DNAH12: variants seen among roughly 807,000 people sequenced by gnomAD.
DNAH12 encodes dynein axonemal heavy chain 12.
DNAH12 carries 285 observed loss-of-function variants against 371.5 expected under a neutral mutation model. That is an observed-to-expected ratio of 0.77 (90% CI 0.70 to 0.85). The LOEUF (loss-of-function observed/expected upper bound fraction) is 0.85. Among genes scored for constraint, DNAH12 ranks in the 40% least tolerant of loss-of-function variants. The pLI is 0.00. For synonymous variants in DNAH12, 1,200 were observed against 1,213.0 expected (o/e 0.99, Z 0.22); for missense variants, 3,611 against 3,689.4 (o/e 0.98, Z 0.55).
intron 62 of DNAH12, among the ~76,000 whole-genome samples, chr3:57,325,421 C>G (rs1043282934): frequency 2.0e-5 from 3 of 152,224 alleles, no homozygotes; most frequent in Non-Finnish European, 2.9e-5. Context: ...TCACGAAAAA[C>G]CACTGTTCTG....
intron 58 of DNAH12, among the ~76,000 whole-genome samples, chr3:57,359,585 G>T (rs1169375903): frequency 1.3e-4 from 18 of 139,170 alleles, no homozygotes; most frequent in African/African-American, 4.6e-4. Flanking sequence ...AAAAAAGAAA[G>T]AAAGAAAGAA....
At chr3:57,441,697 T>G (rs1184237718) in intron 29 of DNAH12, among the ~76,000 whole-genome samples, 2 of 151,864 alleles carry the variant, frequency 1.3e-5, no homozygotes, top group African/African-American at 4.8e-5. Context: ...GAGGCTGAGA[T>G]GGGAGGATTG....
chr3:57,380,855 T>C (rs2063375367), intron 50 of DNAH12, among the ~76,000 whole-genome samples: 1 of 146,122 alleles, frequency 6.8e-6, no homozygotes, highest in Admixed American at 6.8e-5. Context: ...TTTTTAAATA[T>C]GGAAATGCAT....
rs1011749634 is a variant in DNAH12 at position 57,318,654 on chromosome 3, T to C, written c.10524+3689A>G. ...GCTCATTAGAGCATTTCAGGTTTTG[T>C]ATTTTTGTATTTGGAATGTTAACTG... On this transcript the variant is annotated intron_variant, in intron 65 of 73. Coordinates refer to ENST00000495027, the MANE Select transcript of DNAH12 (RefSeq NM_001366028.2). Among the ~76,000 whole-genome samples the C allele has an allele frequency of 6.0e-4, 92 of 152,084 alleles. 1 individual carries two copies. The highest frequency in any genetic ancestry group is 2.2e-3 in the African/African-American group (92 of 41,520).
At chr3:57,349,985 C>T (rs6802608) in intron 60 of DNAH12, among the ~76,000 whole-genome samples, 14,466 of 152,234 alleles carry the variant, frequency 0.095, 2,253 homozygotes, top group African/African-American at 0.33. Context: ...CCACCACACC[C>T]GGACTGGAGA....
In DNAH12 at chr3:57,466,465, G is replaced by C. The variant is rs1310253721; in HGVS notation, c.2349+2271C>G. On this transcript the variant is annotated intron_variant, in intron 17 of 73. Coordinates refer to ENST00000495027, the MANE Select transcript of DNAH12 (RefSeq NM_001366028.2). ...GGAATCTCTGAGATGAATAGACATAGACAGGAACAATGCTTGAATCCAATC... is the reference window on the plus strand; with the variant it reads ...GGAATCTCTGAGATGAATAGACATACACAGGAACAATGCTTGAATCCAATC... 2.6e-5 allele frequency among the ~76,000 whole-genome samples: 4 copies of C among 152,178 alleles called. No individual in the cohort carries two copies. The East Asian group carries it at 7.7e-4, about 29-fold the overall frequency.
chr3:57,547,458 G>A (rs540288552), upstream of DNAH12, among the ~76,000 whole-genome samples: 5 of 152,086 alleles, frequency 3.3e-5, no homozygotes, highest in African/African-American at 1.2e-4. Flanking sequence ...ACGCCTGGCC[G>A]ATGTACATCC....
At chr3:57,499,647 A>AAAAAAAAAAAAAATATATATATAT (rs1451248906) in intron 11 of DNAH12, among the ~76,000 whole-genome samples, 1 of 17,958 alleles carries the variant, frequency 5.6e-5, no homozygotes, top group Non-Finnish European at 1.2e-4. Flanking sequence ...AAAAAAAAAA[A>AAAAAAAAAAAAAATATATATATAT]ATATATATAT....
intron 19 of DNAH12, 131 bp downstream of exon 19, chr3:57,461,358 G>C: frequency 1.4e-6 from 1 of 705,250 alleles, no homozygotes; most frequent in Non-Finnish European, 2.2e-6. Flanking sequence ...AAATATCAAA[G>C]TTATAGGTCT....
chr3:57,496,802 C>G (rs1165845833), intron 11 of DNAH12, among the ~76,000 whole-genome samples: 1 of 151,824 alleles, frequency 6.6e-6, no homozygotes, highest in Non-Finnish European at 1.5e-5. Flanking sequence ...AACCCTGTCT[C>G]TACTAAAAAT....
chr3:57,539,772 C>T (rs1470954568), intron 2 of DNAH12, among the ~76,000 whole-genome samples: 1 of 151,862 alleles, frequency 6.6e-6, no homozygotes, highest in Non-Finnish European at 1.5e-5. Context: ...TGCCACCATA[C>T]CCGGCTAATT....
chr3:57,303,032 T>G (rs1239209575), intron 69 of DNAH12, among the ~76,000 whole-genome samples: 1 of 151,948 alleles, frequency 6.6e-6, no homozygotes, highest in Non-Finnish European at 1.5e-5. Flanking sequence ...TCATCATCAT[T>G]TTTACATTTT....
At chr3:57,514,702 C>T (rs962478669) in intron 4 of DNAH12, among the ~76,000 whole-genome samples, 7 of 151,992 alleles carry the variant, frequency 4.6e-5, no homozygotes, top group African/African-American at 1.7e-4. Flanking sequence ...AAAATATCAT[C>T]ATGAATGAGG....
rs1056307805 is a variant in DNAH12 at position 57,501,872 on chromosome 3, C to T, written c.1243+451G>A. Among the ~76,000 whole-genome samples the T allele has an allele frequency of 2.0e-5, 3 of 152,042 alleles. No individual in the cohort carries two copies. The South Asian group carries it at 6.2e-4, about 32-fold the overall frequency. ...ATCACCCTGCTCCAGTTCATATGCA[C>T]CCTTTGGACTGGACAACAAAATGTA... On this transcript the variant is annotated intron_variant, in intron 10 of 73. Coordinates refer to ENST00000495027, the MANE Select transcript of DNAH12 (RefSeq NM_001366028.2).
intron 11 of DNAH12, 98 bp downstream of exon 11, chr3:57,501,223 T>C: frequency 1.2e-6 from 1 of 855,094 alleles, no homozygotes; most frequent in Non-Finnish European, 1.8e-6. Flanking sequence ...ATATTTTAAA[T>C]AAGAAATTCT....
At chr3:57,447,092 T>C (rs1449038905) in intron 25 of DNAH12, among the ~76,000 whole-genome samples, 1 of 152,178 alleles carries the variant, frequency 6.6e-6, no homozygotes, top group Non-Finnish European at 1.5e-5. Flanking sequence ...ATGGCACCCA[T>C]GATTGGGAAA....
In DNAH12 at chr3:57,437,035, G is replaced by C. The variant is rs886188556; in HGVS notation, c.4571C>G (p.Ala1524Gly). 5 of 1,514,186 alleles carry C rather than the reference G, an allele frequency of 3.3e-6. No individual in the cohort carries two copies. In the Admixed American group the frequency reaches 1.2e-4, roughly 38 times the overall value. 93.8% of individuals were successfully genotyped at this position (1,514,186 alleles called of 1,614,324 possible). A position where few individuals can be genotyped will look rare whatever the true frequency, so the allele number is the denominator to read the frequency against. Residue 1524 changes from alanine (A) to glycine (G), a missense_variant, in exon 30 of 74, where the codon GCC becomes GGC. Transcript: ENST00000495027. Reference sequence around the variant, plus strand: ...AGGCTGAAGATTATGTACATTGCAGGCTTCATGAGCACATTCCAAAAATTC... The same window carrying C: ...AGGCTGAAGATTATGTACATTGCAGCCTTCATGAGCACATTCCAAAAATTC... ...YHEFLECAHE[A>G]CNVHNLQPVK...
At chr3:57,377,917 G>C (rs1390110185) in intron 52 of DNAH12, among the ~76,000 whole-genome samples, 1 of 152,116 alleles carries the variant, frequency 6.6e-6, no homozygotes, top group Non-Finnish European at 1.5e-5. Flanking sequence ...GTGTGTGCCT[G>C]TTAGAAAGAA....
At chr3:57,542,954 C>T (rs1053238302) in intron 1 of DNAH12, 51 bp from the exon 2 acceptor site, 8 of 1,330,576 alleles carry the variant, frequency 6.0e-6, no homozygotes, top group Non-Finnish European at 8.0e-6. Flanking sequence ...AGCCTCGACA[C>T]ATTCATAACA....
Sources: allele counts gnomAD v4.1 joint callset (sites outside exome capture counted in the v4.1 genomes callset), GRCh38; gene constraint gnomAD v4.1.1; transcripts MANE v1.5; gene names NCBI Gene and HGNC (gene_info 2026-07-23, HGNC 2026-07-21).